DCDC2: variants seen among roughly 807,000 people sequenced by gnomAD.
The protein encoded by DCDC2 is doublecortin domain-containing protein 2.
In DCDC2, 40 loss-of-function variants were observed where a neutral mutation model predicts 50.2. The ratio of observed to expected loss-of-function variants is 0.80; its 90% CI spans 0.62 to 1.04. The LOEUF (loss-of-function observed/expected upper bound fraction) is 1.04. DCDC2 is among the 50% of genes least tolerant of loss of function. The pLI is 0.00. For synonymous variants in DCDC2, 234 were observed against 210.6 expected (o/e 1.11, Z -0.96); for missense variants, 570 against 581.9 (o/e 0.98, Z 0.21).
intron 8 of DCDC2, among the ~76,000 whole-genome samples, chr6:24,184,803 T>C (rs541730766): frequency 1.3e-5 from 2 of 152,310 alleles, no homozygotes; most frequent in East Asian, 3.9e-4. Context: ...TACATCACTC[T>C]CCTAGAAATG....
intron 7 of DCDC2, among the ~76,000 whole-genome samples, chr6:24,217,862 G>C (rs1342922119): frequency 2.0e-5 from 3 of 152,174 alleles, no homozygotes; most frequent in Non-Finnish European, 4.4e-5. Flanking sequence ...ACATAAAATA[G>C]AAGTTATAAT....
At chr6:24,287,386 C>T (rs985233787) in intron 6 of DCDC2, among the ~76,000 whole-genome samples, 2 of 151,910 alleles carry the variant, frequency 1.3e-5, no homozygotes, top group African/African-American at 2.4e-5. Flanking sequence ...GACAGGGTCT[C>T]ACTCTGTTGC....
chr6:24,351,322 G>A (rs769106169), intron 2 of DCDC2, among the ~76,000 whole-genome samples: 112 of 152,210 alleles, frequency 7.4e-4, no homozygotes, highest in Non-Finnish European at 1.4e-3. Context: ...CACACTGCTT[G>A]TCCAGACCTG....
intron 2 of DCDC2, among the ~76,000 whole-genome samples, chr6:24,339,091 T>G (rs1159662732): frequency 6.6e-6 from 1 of 152,154 alleles, no homozygotes; most frequent in Non-Finnish European, 1.5e-5. Flanking sequence ...AAACAGCACA[T>G]GTATGTTTCT....
upstream of DCDC2, among the ~76,000 whole-genome samples, chr6:24,359,445 G>A (rs576436625): frequency 9.9e-5 from 3 of 30,444 alleles, no homozygotes; most frequent in African/African-American, 1.4e-4. Flanking sequence ...ATACTATATA[G>A]TATATATATT....
At chr6:24,338,579 T>C (rs992118735) in intron 2 of DCDC2, among the ~76,000 whole-genome samples, 22 of 152,218 alleles carry the variant, frequency 1.4e-4, no homozygotes, top group Non-Finnish European at 2.6e-4. Context: ...GCCTCCAACC[T>C]TGCTGTAGCA....
At chr6:24,204,381 A>G (rs973415829) in intron 8 of DCDC2, among the ~76,000 whole-genome samples, 3 of 152,154 alleles carry the variant, frequency 2.0e-5, no homozygotes, top group Non-Finnish European at 4.4e-5. Flanking sequence ...GCAAACTAAC[A>G]CAGGAACAGA....
intron 8 of DCDC2, among the ~76,000 whole-genome samples, chr6:24,181,098 CT>C (rs1761061928): frequency 6.6e-6 from 1 of 152,088 alleles, no homozygotes; most frequent in Admixed American, 6.6e-5. Flanking sequence ...TATTCGGATG[CT>C]TAAGGTCAAA....
intron 1 of DCDC2, 85 bp downstream of exon 1, chr6:24,357,373 G>A (rs745661457): frequency 1.3e-5 from 18 of 1,432,458 alleles, no homozygotes; most frequent in Non-Finnish European, 1.6e-5. Context: ...ACTGAGGTGT[G>A]GGGGGGTAGG....
chr6:24,230,903 G>T (rs1375150878), intron 7 of DCDC2, among the ~76,000 whole-genome samples: 1 of 152,042 alleles, frequency 6.6e-6, no homozygotes, highest in South Asian at 2.1e-4. Context: ...CTGTCTTAAG[G>T]CTCTACCTAG....
At chr6:24,182,654 A>G (rs1761103099) in intron 8 of DCDC2, among the ~76,000 whole-genome samples, 2 of 138,310 alleles carry the variant, frequency 1.4e-5, no homozygotes, top group South Asian at 4.8e-4. Flanking sequence ...ACAGAAGAAA[A>G]CAAGCGTTGA....
chr6:24,345,250 T>G (rs1760233922), intron 2 of DCDC2, among the ~76,000 whole-genome samples: 1 of 152,174 alleles, frequency 6.6e-6, no homozygotes, highest in African/African-American at 2.4e-5. Flanking sequence ...TAGAATCCAT[T>G]TAATGTCTAG....
At chr6:24,189,305 A>G (rs1332983058) in intron 8 of DCDC2, among the ~76,000 whole-genome samples, 1 of 152,226 alleles carries the variant, frequency 6.6e-6, no homozygotes, top group Non-Finnish European at 1.5e-5. Flanking sequence ...GCATGCAGTT[A>G]CTAAGGTTAA....
intron 8 of DCDC2, among the ~76,000 whole-genome samples, chr6:24,199,479 G>T (rs976954705): frequency 1.3e-5 from 2 of 152,026 alleles, no homozygotes; most frequent in African/African-American, 4.8e-5. Context: ...CCAACAAAAA[G>T]GACATCCACA....
intron 2 of DCDC2, among the ~76,000 whole-genome samples, chr6:24,319,189 T>A (rs1471651274): frequency 6.6e-6 from 1 of 152,190 alleles, no homozygotes; most frequent in Non-Finnish European, 1.5e-5. Context: ...TCAGTGACGT[T>A]GAGCAGTTTT....
intron 7 of DCDC2, among the ~76,000 whole-genome samples, chr6:24,263,047 A>G (rs1763046378): frequency 1.3e-5 from 2 of 152,356 alleles, no homozygotes; most frequent in South Asian, 2.1e-4. Flanking sequence ...ATTTGTTTGC[A>G]GGAAGGCAAG....
intron 7 of DCDC2, among the ~76,000 whole-genome samples, chr6:24,257,277 T>A (rs1762913874): frequency 6.6e-6 from 1 of 152,184 alleles, no homozygotes; most frequent in Non-Finnish European, 1.5e-5. Flanking sequence ...ACACAATGTG[T>A]GAAAAAATTC....
the DCDC2 span, among the ~76,000 whole-genome samples, chr6:24,366,305 C>T: frequency 6.6e-6 from 1 of 152,134 alleles, no homozygotes; most frequent in Non-Finnish European, 1.5e-5. Context: ...AAACCAAATA[C>T]CGTATTTCTC....
chr6:24,204,680 T>A (rs1197417090), intron 8 of DCDC2, among the ~76,000 whole-genome samples: 2 of 152,148 alleles, frequency 1.3e-5, no homozygotes, highest in Non-Finnish European at 2.9e-5. Flanking sequence ...CAGATGAAAA[T>A]CCCAAACCAA....
Sources: allele counts gnomAD v4.1 joint callset (sites outside exome capture counted in the v4.1 genomes callset), GRCh38; gene constraint gnomAD v4.1.1; transcripts MANE v1.5; gene names NCBI Gene and HGNC (gene_info 2026-07-23, HGNC 2026-07-21).